Variants in DPYD observed in about 807,000 individuals in gnomAD.
The protein encoded by DPYD is dihydropyrimidine dehydrogenase, also known as dihydropyrimidine dehydrogenase [NADP(+)].
DPYD carries 109 observed loss-of-function variants against 116.2 expected under a neutral mutation model. The observed-to-expected ratio is 0.94, with a 90% CI of 0.80 to 1.10. The LOEUF is 1.10. Ranked by LOEUF, DPYD falls within the 50% of genes least tolerant of loss-of-function variation. The probability of loss-of-function intolerance (pLI) is 0.00; values close to 1 mark genes in which losing one functional copy is unlikely to be tolerated. For synonymous variants in DPYD, 440 were observed against 432.0 expected (o/e 1.02, Z -0.23); for missense variants, 1,302 against 1,254.5 (o/e 1.04, Z -0.57).
Position 97,115,570 on chromosome 1 carries a change from T to C in DPYD, c.2623-16938A>G, listed in dbSNP as rs72724380. ...CCTAATATAGTTTTTATTATACTTATGTATTTTCCTAATTTTCTACAGTGA... is the reference window on the plus strand; with the variant it reads ...CCTAATATAGTTTTTATTATACTTACGTATTTTCCTAATTTTCTACAGTGA... On this transcript the variant is annotated intron_variant, in intron 20 of 22. Transcript: ENST00000370192. Among the ~76,000 whole-genome samples, 284 of 152,324 alleles carry C rather than the reference T, an allele frequency of 1.9e-3. 5 individuals carry two copies. Among genetic ancestry groups the C allele is most frequent in the Middle Eastern group, 3.4e-3 (1 of 294 alleles).
At chr1:97,719,033 A>G (rs1048118916) in intron 5 of DPYD, among the ~76,000 whole-genome samples, 2 of 151,672 alleles carry the variant, frequency 1.3e-5, no homozygotes, top group African/African-American at 2.4e-5. Context: ...AGTGAGTCAC[A>G]ATCACCCCGG....
intron 20 of DPYD, among the ~76,000 whole-genome samples, chr1:97,158,484 C>CACACACACAG (rs1186634216): frequency 1.5e-5 from 2 of 131,266 alleles, no homozygotes; most frequent in Admixed American, 1.5e-4. Flanking sequence ...CACACACACA[C>CACACACACAG]ACACACACAC....
intron 2 of DPYD, among the ~76,000 whole-genome samples, chr1:97,831,715 G>A (rs1050584010): frequency 6.6e-6 from 1 of 151,838 alleles, no homozygotes; most frequent in African/African-American, 2.4e-5. Context: ...GAAAGGAAAA[G>A]GCAACAGATA....
intron 5 of DPYD, chr1:97,720,000 A>G: frequency 1.0e-6 from 1 of 985,028 alleles, no homozygotes; most frequent in Non-Finnish European, 1.2e-6. Context: ...TTCTGAAGGC[A>G]CATGTCTCTG....
At chr1:97,668,369 T>C (rs2100887664) in intron 8 of DPYD, among the ~76,000 whole-genome samples, 1 of 152,194 alleles carries the variant, frequency 6.6e-6, no homozygotes, top group South Asian at 2.1e-4. Context: ...TACATAAATG[T>C]AAAATAGAGA....
At chr1:97,676,923 C>T (rs950541170) in intron 8 of DPYD, among the ~76,000 whole-genome samples, 1 of 152,184 alleles carries the variant, frequency 6.6e-6, no homozygotes, top group African/African-American at 2.4e-5. Flanking sequence ...CAAAGATTCA[C>T]TTCTCAGCAT....
chr1:97,893,284 T>A (rs1672866315), intron 1 of DPYD, among the ~76,000 whole-genome samples: 1 of 151,252 alleles, frequency 6.6e-6, no homozygotes. Context: ...AATCACTGAC[T>A]GAGTCATGGG....
chr1:97,251,755 G>T (rs1355328945), intron 18 of DPYD, among the ~76,000 whole-genome samples: 1 of 152,068 alleles, frequency 6.6e-6, no homozygotes, highest in African/African-American at 2.4e-5. Context: ...AGGTATTACG[G>T]CTAGACTATA....
chr1:97,360,819 A>G (rs1049162176), intron 16 of DPYD, among the ~76,000 whole-genome samples: 8 of 152,220 alleles, frequency 5.3e-5, no homozygotes, highest in Non-Finnish European at 1.5e-5. Flanking sequence ...GTAGAGAGAA[A>G]TTTATAGCAC....
intron 3 of DPYD, among the ~76,000 whole-genome samples, chr1:97,742,760 T>C (rs761167222): frequency 2.2e-4 from 34 of 152,152 alleles, no homozygotes; most frequent in Non-Finnish European, 4.1e-4. Flanking sequence ...GATTTTCTTT[T>C]ATGTCGCAAT....
chr1:97,079,119 G>C lies in DPYD; in HGVS notation c.2935C>G (p.Leu979Val). ...QAIQFDPETHLPTITDTCTGC... is the reference protein window; with the variant it reads ...QAIQFDPETHVPTITDTCTGC... Reference sequence around the variant, plus strand: ...GTACAAGTGTCGGTTATGGTGGGCAGGTGGGTTTCTGGATCAAACTGTATA... The same window carrying C: ...GTACAAGTGTCGGTTATGGTGGGCACGTGGGTTTCTGGATCAAACTGTATA... Residue 979 changes from leucine to valine, a missense_variant, in exon 23 of 23, where the codon CTG (leucine) becomes GTG (valine). Leu to Val is a conservative substitution (Grantham distance 32). Transcript: ENST00000370192. 6.2e-7 allele frequency: 1 copy of C among 1,613,616 alleles called. No individual in the cohort carries two copies. Among genetic ancestry groups the C allele is most frequent in the Non-Finnish European group, 8.5e-7 (1 of 1,179,680 alleles).
chr1:97,236,962 A>T (rs1260907604), intron 18 of DPYD, among the ~76,000 whole-genome samples: 11 of 152,164 alleles, frequency 7.2e-5, no homozygotes, highest in Admixed American at 7.2e-4. Context: ...CACGCCTATA[A>T]TCCTAGCACT....
intron 5 of DPYD, among the ~76,000 whole-genome samples, chr1:97,703,736 A>C (rs1661736935): frequency 6.6e-6 from 1 of 152,218 alleles, no homozygotes; most frequent in South Asian, 2.1e-4. Flanking sequence ...TAAAATTTCA[A>C]ACATATAATG....
At chr1:97,206,379 A>T (rs1659603060) in intron 19 of DPYD, among the ~76,000 whole-genome samples, 1 of 151,848 alleles carries the variant, frequency 6.6e-6, no homozygotes, top group South Asian at 2.1e-4. Flanking sequence ...AAATATGTCT[A>T]CATGTAGCAC....
At chr1:97,775,313 C>G (rs2101180356) in intron 3 of DPYD, among the ~76,000 whole-genome samples, 1 of 152,222 alleles carries the variant, frequency 6.6e-6, no homozygotes, top group Admixed American at 6.5e-5. Context: ...TAAAATTCTG[C>G]AGACAAAATT....
Position 97,721,539 on chromosome 1 carries a change from T to C in DPYD, c.454A>G (p.Ile152Val). The C allele has an allele frequency of 6.2e-7, 1 of 1,611,574 alleles. No homozygotes were observed. The highest frequency in any genetic ancestry group is 1.1e-5 in the South Asian group (1 of 91,038). Residue 152 changes from isoleucine to valine, a missense_variant, in exon 5 of 23, where the codon ATT (isoleucine) becomes GTT (valine). Ile to Val is a conservative substitution (Grantham distance 29). Transcript: ENST00000370192. The part of the protein sequence containing the change: ...LYATEEGPIN[I>V]GGLQQFATEV... ...GTAGCAAATTGCTGCAATCCACCAA[T>C]ATTAATGGGTCCCTCTTCAGTGGCA...
intron 8 of DPYD, among the ~76,000 whole-genome samples, chr1:97,595,410 A>G (rs1270679213): frequency 6.6e-6 from 1 of 152,102 alleles, no homozygotes; most frequent in East Asian, 1.9e-4. Context: ...CTATAAATAT[A>G]TGGAAACATA....
At chr1:97,912,434 T>C (rs1673994759) in intron 1 of DPYD, among the ~76,000 whole-genome samples, 1 of 152,076 alleles carries the variant, frequency 6.6e-6, no homozygotes, top group African/African-American at 2.4e-5. Flanking sequence ...AATATGAATA[T>C]AAAGAAATGC....
At chr1:97,774,374 G>GTC (rs1434198670) in intron 3 of DPYD, among the ~76,000 whole-genome samples, 2 of 152,124 alleles carry the variant, frequency 1.3e-5, no homozygotes, top group Non-Finnish European at 2.9e-5. Flanking sequence ...TTCGTCTCTT[G>GTC]TCTCTCTCTC....
Sources: gnomAD v4.1 joint callset for allele counts (sites outside exome capture counted in the v4.1 genomes callset) on GRCh38, gnomAD v4.1.1 for gene constraint, MANE v1.5 for transcripts, NCBI Gene and HGNC (gene_info 2026-07-23, HGNC 2026-07-21) for gene names.